FAM13A: variants seen among roughly 807,000 people sequenced by gnomAD.
FAM13A encodes protein FAM13A.
In FAM13A, 76 loss-of-function variants were observed where a neutral mutation model predicts 129.6. The ratio of observed to expected loss-of-function variants is 0.59; its 90% CI spans 0.49 to 0.71. The LOEUF (loss-of-function observed/expected upper bound fraction) is 0.71, where lower values mean the gene tolerates loss of function less well. Ranked by LOEUF, FAM13A falls within the 30% of genes least tolerant of loss-of-function variation. The probability of loss-of-function intolerance (pLI) is 0.00; values close to 1 mark genes in which losing one functional copy is unlikely to be tolerated. For synonymous variants in FAM13A, 443 were observed against 449.9 expected (o/e 0.98, Z 0.20); for missense variants, 1,108 against 1,249.3 (o/e 0.89, Z 1.70).
At chr4:89,032,678 T>C (rs1194273228) in intron 1 of FAM13A, among the ~76,000 whole-genome samples, 3 of 152,218 alleles carry the variant, frequency 2.0e-5, no homozygotes, top group Non-Finnish European at 2.9e-5. Context: ...ACACTGATTG[T>C]AGTAAATATT....
At chr4:88,948,737 C>T (rs777863163) in intron 4 of FAM13A, among the ~76,000 whole-genome samples, 11 of 152,196 alleles carry the variant, frequency 7.2e-5, no homozygotes, top group Non-Finnish European at 1.3e-4. Context: ...GATCCAACCA[C>T]CTCGGCCTCC....
chr4:88,791,679 A>G (rs1441715825), intron 8 of FAM13A, among the ~76,000 whole-genome samples: 1 of 152,140 alleles, frequency 6.6e-6, no homozygotes, highest in Non-Finnish European at 1.5e-5. Flanking sequence ...GTTAAGGACC[A>G]ATATTGATAG....
At chr4:88,992,564 C>A (rs573131039) in intron 3 of FAM13A, among the ~76,000 whole-genome samples, 1 of 152,210 alleles carries the variant, frequency 6.6e-6, no homozygotes, top group South Asian at 2.1e-4. Flanking sequence ...CAATATCTAA[C>A]ATGTCATATA....
chr4:88,952,504 C>T (rs1445146158), intron 4 of FAM13A, among the ~76,000 whole-genome samples: 1 of 152,150 alleles, frequency 6.6e-6, no homozygotes, highest in East Asian at 1.9e-4. Flanking sequence ...AAGGCCTAAA[C>T]TTGCCAGATC....
chr4:89,044,944 T>C (rs1265601836), intron 1 of FAM13A, among the ~76,000 whole-genome samples: 1 of 152,024 alleles, frequency 6.6e-6, no homozygotes, highest in African/African-American at 2.4e-5. Context: ...AAGTTATTGT[T>C]TTATGGTTAT....
At chr4:88,878,287 CAAAAAAAAAAAAAAA>C (rs56067813) in intron 6 of FAM13A, among the ~76,000 whole-genome samples, 13 of 61,076 alleles carry the variant, frequency 2.1e-4, no homozygotes, top group African/African-American at 8.7e-4. Context: ...GACTCCATCT[CAAAAAAAAAAAAAAA>C]AAAAAAAAAA....
chr4:89,055,466 A>T (rs1772104862), intron 1 of FAM13A, among the ~76,000 whole-genome samples: 1 of 152,172 alleles, frequency 6.6e-6, no homozygotes, highest in Non-Finnish European at 1.5e-5. Context: ...AAATTAAGGG[A>T]AAATATAAAG....
chr4:88,927,744 T>A (rs562927306), intron 5 of FAM13A, among the ~76,000 whole-genome samples: 1 of 152,184 alleles, frequency 6.6e-6, no homozygotes, highest in African/African-American at 2.4e-5. Context: ...TATCTGGATC[T>A]TCTCCCTTCT....
rs190858227 is a variant in FAM13A, at chr4:88,967,580, T to C, written c.605+23393A>G. ...ATCTTAATTTATAATGTGAGCCCAT[T>C]GTGGGATGCGGCTTAAGGAGAGTAG... On this transcript the variant is annotated intron_variant, in intron 4 of 23. Transcript: ENST00000264344. 7.8e-3 allele frequency among the ~76,000 whole-genome samples: 1,186 copies of C among 152,292 alleles called. 15 individuals are homozygous for C. The highest frequency in any genetic ancestry group is 0.027 in the African/African-American group (1,123 of 41,544).
rs1469613118 is a variant in FAM13A, at chr4:89,020,347, C to G, written c.427+113G>C. 1.1e-5 allele frequency: 7 copies of G among 618,586 alleles called. No individual in the cohort carries two copies. The African/African-American group carries it at 1.4e-4, about 12-fold the overall frequency. The allele number at this position is 618,586 out of a possible 1,614,324, so 38.3% of individuals were successfully genotyped here. A position where few individuals can be genotyped will look rare whatever the true frequency, so the allele number is the denominator to read the frequency against. ...GCCCACGGTGGTCTTCAACTCCTGG[C>G]TTCAAGCAATCTTTCTACCTCAGCC... On this transcript the variant is annotated intron_variant, in intron 3 of 23. Coordinates refer to ENST00000264344, the MANE Select transcript of FAM13A (RefSeq NM_014883.4).
chr4:88,909,152 T>C (rs1748628180), intron 5 of FAM13A, among the ~76,000 whole-genome samples: 1 of 152,164 alleles, frequency 6.6e-6, no homozygotes, highest in African/African-American at 2.4e-5. Context: ...CAAATGCAAA[T>C]AGTAGAATTA....
intron 13 of FAM13A, among the ~76,000 whole-genome samples, chr4:88,763,725 A>G (rs961529146): frequency 2.0e-5 from 3 of 152,234 alleles, no homozygotes; most frequent in Admixed American, 1.3e-4. Context: ...AGAGCCAGGA[A>G]TGACAATATC....
chr4:88,776,545 TTTA>T (rs1445216978), intron 11 of FAM13A, among the ~76,000 whole-genome samples: 1 of 152,196 alleles, frequency 6.6e-6, no homozygotes, highest in Non-Finnish European at 1.5e-5. Context: ...TGCAAAATAT[TTTA>T]TTGAGTTGAC....
At chr4:88,920,446 G>A (rs1406003073) in intron 5 of FAM13A, among the ~76,000 whole-genome samples, 1 of 152,186 alleles carries the variant, frequency 6.6e-6, no homozygotes, top group Non-Finnish European at 1.5e-5. Flanking sequence ...AACAGGGTCT[G>A]GAGTGGACCT....
At chr4:88,823,628 A>T (rs1356426883) in intron 7 of FAM13A, among the ~76,000 whole-genome samples, 1 of 152,242 alleles carries the variant, frequency 6.6e-6, no homozygotes. Context: ...GGCAAGAGTT[A>T]TGTTGCGTCC....
intron 7 of FAM13A, among the ~76,000 whole-genome samples, chr4:88,815,615 T>A (rs970224241): frequency 2.0e-5 from 3 of 152,202 alleles, no homozygotes; most frequent in Admixed American, 6.5e-5. Context: ...AAGATTCATT[T>A]ACAATTTTTA....
At chr4:88,961,266 C>T (rs188631677) in intron 4 of FAM13A, among the ~76,000 whole-genome samples, 315 of 148,814 alleles carry the variant, frequency 2.1e-3, no homozygotes, top group Non-Finnish European at 2.8e-3. Flanking sequence ...CTATAATTAA[C>T]TCATTCACTG....
At chr4:88,757,983 C>G (rs978927514) in intron 14 of FAM13A, among the ~76,000 whole-genome samples, 1 of 152,150 alleles carries the variant, frequency 6.6e-6, no homozygotes, top group Admixed American at 6.6e-5. Context: ...CCGTCACGCA[C>G]ATACTGTATA....
At chr4:88,938,729 T>C (rs1219369063) in intron 4 of FAM13A, among the ~76,000 whole-genome samples, 1 of 152,198 alleles carries the variant, frequency 6.6e-6, no homozygotes, top group Non-Finnish European at 1.5e-5. Flanking sequence ...GGAAGGTCTA[T>C]TACACTATTC....
Sources: gnomAD v4.1 joint callset for allele counts (sites outside exome capture counted in the v4.1 genomes callset) on GRCh38, gnomAD v4.1.1 for gene constraint, MANE v1.5 for transcripts, NCBI Gene and HGNC (gene_info 2026-07-23, HGNC 2026-07-21) for gene names.